The following BAIAP2L2 variants were observed in gnomAD, a reference collection of about 807,000 sequenced individuals.
BAIAP2L2 encodes the protein BAR/IMD domain-containing adapter protein 2-like 2.
Under a neutral mutation model 60.4 loss-of-function variants are expected in BAIAP2L2, and 65 were observed. That is an observed-to-expected ratio of 1.08 (90% CI 0.88 to 1.32). The LOEUF (loss-of-function observed/expected upper bound fraction) is 1.32. Among genes scored for constraint, BAIAP2L2 ranks in the 40% most tolerant of loss-of-function variants. The pLI, the probability that BAIAP2L2 is intolerant of heterozygous loss-of-function variation, is 0.00. For synonymous variants in BAIAP2L2, 344 were observed against 301.7 expected (o/e 1.14, Z -1.45); for missense variants, 836 against 741.2 (o/e 1.13, Z -1.48).
intron 12 of BAIAP2L2, among the ~76,000 whole-genome samples, chr22:38,086,020 G>A (rs901176324): frequency 4.6e-5 from 7 of 152,096 alleles, no homozygotes; most frequent in East Asian, 1.9e-4. Context: ...CCCCAGCCCC[G>A]TCCTACTGGC....
chr22:38,104,697 C>G (rs2086629548), intron 4 of BAIAP2L2, among the ~76,000 whole-genome samples: 1 of 152,120 alleles, frequency 6.6e-6, no homozygotes, highest in Non-Finnish European at 1.5e-5. Context: ...GGGGTCTCAC[C>G]GTGTTAGCCA....
intron 2 of BAIAP2L2, 131 bp downstream of exon 2, chr22:38,109,002 A>G: frequency 1.4e-6 from 1 of 734,202 alleles, no homozygotes; most frequent in South Asian, 1.6e-5. Context: ...TGTGAGGGTG[A>G]GGGTGGTGGG....
At chr22:38,089,491 C>A (rs2086225317) in intron 8 of BAIAP2L2, 31 bp downstream of exon 8, 4 of 1,180,450 alleles carry the variant, frequency 3.4e-6, no homozygotes, top group Non-Finnish European at 4.2e-6. Flanking sequence ...GGCGGGGGCG[C>A]GAACGGCGGC....
chr22:38,105,893 G>A (rs551145531), intron 4 of BAIAP2L2, among the ~76,000 whole-genome samples: 1 of 152,290 alleles, frequency 6.6e-6, no homozygotes, highest in East Asian at 1.9e-4. Flanking sequence ...CTGCAGGTGG[G>A]GGTGGCCTCT....
rs1434580194 is a variant in BAIAP2L2 at position 38,088,978 on chromosome 22, A to C, written c.902-14T>G. On this transcript the variant is annotated splice_polypyrimidine_tract_variant and intron_variant, in intron 9 of 13. Coordinates refer to ENST00000381669, the MANE Select transcript of BAIAP2L2 (RefSeq NM_025045.6). Reference sequence around the variant, plus strand: ...TGTAGAGCGAGGCTGTGGGCGGGAGAGCGCGGCGGCACGTGGGCAGGAAGT... The same window carrying C: ...TGTAGAGCGAGGCTGTGGGCGGGAGCGCGCGGCGGCACGTGGGCAGGAAGT... 6.7e-7 allele frequency: 1 copy of C among 1,491,626 alleles called. No homozygotes were observed. The highest frequency in any genetic ancestry group is 8.9e-7 in the Non-Finnish European group (1 of 1,124,214). The allele number at this position is 1,491,626 out of a possible 1,614,324, so 92.4% of individuals were successfully genotyped here. A position where few individuals can be genotyped will look rare whatever the true frequency, so the allele number is the denominator to read the frequency against.
chr22:38,100,768 C>G (rs1488620798), intron 4 of BAIAP2L2, among the ~76,000 whole-genome samples: 1 of 152,176 alleles, frequency 6.6e-6, no homozygotes, highest in Non-Finnish European at 1.5e-5. Context: ...TACCCAGTCT[C>G]AGGTATTCCT....
rs764307018 is a variant in BAIAP2L2, at chr22:38,086,301, G to GTC, written c.1407_1408insGA (p.Pro470AspfsTer23). 17 of 1,590,106 alleles carry GTC rather than the reference G, an allele frequency of 1.1e-5. No individual in the cohort carries two copies. The highest frequency in any genetic ancestry group is 1.5e-5 in the Non-Finnish European group (17 of 1,164,954). ...CTGCTGCGGCGGCTGCTGGGCAAGG[G>GTC]TGGAGGTGCAGGGCTGGGGGCACGG... On this transcript the variant is annotated frameshift_variant, in exon 12 of 14. Coordinates refer to ENST00000381669, the MANE Select transcript of BAIAP2L2 (RefSeq NM_025045.6). LOFTEE classifies it high-confidence loss of function.
chr22:38,092,038 G>A (rs1257218352), intron 7 of BAIAP2L2, among the ~76,000 whole-genome samples: 1 of 152,118 alleles, frequency 6.6e-6, no homozygotes, highest in Non-Finnish European at 1.5e-5. Context: ...ATCACTGATG[G>A]AAGTGTAAAC....
chr22:38,096,155 G>C (rs1037521805), intron 7 of BAIAP2L2, among the ~76,000 whole-genome samples: 9 of 151,942 alleles, frequency 5.9e-5, no homozygotes, highest in African/African-American at 2.2e-4. Context: ...CAGACAAGGC[G>C]GAATTAAAAG....
At position 38,110,572 on chromosome 22, in the gene BAIAP2L2, A is replaced by C; in HGVS notation, c.-47T>G. On this transcript the variant is annotated 5_prime_UTR_variant, in exon 1 of 14. Transcript: ENST00000381669. ...AGCAGGAGGCTGGGAGCTGGTGGCG[A>C]TGGCACAGCCGGGAGCAGTGGTAGG... 1 of 1,544,550 alleles carries C rather than the reference A, an allele frequency of 6.5e-7. No individual in the cohort carries two copies. The highest frequency in any genetic ancestry group is 1.2e-5 in the South Asian group (1 of 85,756).
chr22:38,105,343 T>G (rs1484239468), intron 4 of BAIAP2L2, among the ~76,000 whole-genome samples: 3 of 134,966 alleles, frequency 2.2e-5, no homozygotes, highest in Non-Finnish European at 4.8e-5. Flanking sequence ...TCTTTTCTTT[T>G]TTTTTTTTTT....
chr22:38,089,378 G>A, intron 8 of BAIAP2L2, 144 bp downstream of exon 8: 1 of 578,568 alleles, frequency 1.7e-6, no homozygotes, highest in Non-Finnish European at 2.5e-6. Flanking sequence ...CGGAGAACGC[G>A]CCGGGGCGGA....
chr22:38,108,277 C>T lies in BAIAP2L2; in HGVS notation c.192G>A (p.Gln64=). ...AIQKIGERAL[Q]SPTSQILGEI... The stretch of plus-strand genomic sequence containing the variant: ...CACCCAGAATCTGTGAGGTGGGGCT[C>T]TGCAGGGCACGCTCCCCAATCTTCT... Residue 64 remains glutamine, a synonymous_variant, in exon 3 of 14, where the codon CAG becomes CAA. Transcript: ENST00000381669. The T allele has an allele frequency of 6.2e-7, 1 of 1,612,682 alleles. No homozygotes were observed.
chr22:38,097,962 G>T (rs2086477742), intron 6 of BAIAP2L2, 101 bp downstream of exon 6: 4 of 1,098,818 alleles, frequency 3.6e-6, no homozygotes, highest in Non-Finnish European at 4.1e-6. Flanking sequence ...GTGCTCGGTG[G>T]GGGAGCTCAG....
At position 38,097,065 on chromosome 22, in the gene BAIAP2L2, TAGC is replaced by T; in HGVS notation, c.576_578del (p.Leu194del). The T allele has an allele frequency of 6.2e-7, 1 of 1,614,026 alleles. No homozygotes were observed. The highest frequency in any genetic ancestry group is 8.5e-7 in the Non-Finnish European group (1 of 1,179,962). On this transcript the variant is annotated inframe_deletion, in exon 7 of 14. Coordinates refer to ENST00000381669, the MANE Select transcript of BAIAP2L2 (RefSeq NM_025045.6). ...AGAACTGCAGGAAGGTGTTGGAAAG[TAGC>T]AGGTGCTTCTCTGCTAGGAAGCGAT...
chr22:38,086,513 A>C (rs1169996654), intron 11 of BAIAP2L2, 64 bp from the exon 12 acceptor site: 92 of 1,293,366 alleles, frequency 7.1e-5, no homozygotes, highest in Non-Finnish European at 9.3e-5. Context: ...TTGTCCTGCC[A>C]GTAGCTGGGG....
At chr22:38,109,022 G>A (rs1420531629) in intron 2 of BAIAP2L2, 111 bp downstream of exon 2, 5 of 941,786 alleles carry the variant, frequency 5.3e-6, no homozygotes, top group Non-Finnish European at 8.4e-6. Context: ...GTAGGAGGGT[G>A]TAGGGTTGAG....
chr22:38,089,984 A>C (rs1229104845), intron 7 of BAIAP2L2: 1 of 241,650 alleles, frequency 4.1e-6, no homozygotes, highest in African/African-American at 2.3e-5. Flanking sequence ...CTGGCCACTC[A>C]ATCACCCCAT....
At chr22:38,104,496 CTT>C (rs35517234) in intron 4 of BAIAP2L2, among the ~76,000 whole-genome samples, 24 of 137,348 alleles carry the variant, frequency 1.7e-4, no homozygotes, top group African/African-American at 2.1e-4. Flanking sequence ...ACTCAAATTT[CTT>C]TTTTTTTTTT....
Sources: gnomAD v4.1 joint callset for allele counts (sites outside exome capture counted in the v4.1 genomes callset) on GRCh38, gnomAD v4.1.1 for gene constraint, MANE v1.5 for transcripts, NCBI Gene and HGNC (gene_info 2026-07-23, HGNC 2026-07-21) for gene names.